MYPN: variants seen among roughly 807,000 people sequenced by gnomAD.
MYPN encodes the protein sarcomeric protein myopalladin, 145 kDa (MYOP).
In MYPN, 63 loss-of-function variants were observed where a neutral mutation model predicts 129.4. The ratio of observed to expected loss-of-function variants is 0.49; its 90% CI spans 0.40 to 0.60. The LOEUF (loss-of-function observed/expected upper bound fraction) is 0.60, where lower values mean the gene tolerates loss of function less well. Ranked by LOEUF, MYPN falls within the 20% of genes least tolerant of loss-of-function variation. The pLI is 0.00. For synonymous variants in MYPN, 629 were observed against 600.9 expected (o/e 1.05, Z -0.68); for missense variants, 1,596 against 1,635.4 (o/e 0.98, Z 0.42).
In MYPN at chr10:68,210,773, T is replaced by C; in HGVS notation, c.*318T>C. ...CTGCTCCCTGTTGTGTTAGGGATGT[T>C]TAGGTCATACTAGGAGCAATTAGGA... On this transcript the variant is annotated 3_prime_UTR_variant, in exon 20 of 20. Coordinates refer to ENST00000358913, the MANE Select transcript of MYPN (RefSeq NM_032578.4). 1 of 489,496 alleles carries C rather than the reference T, an allele frequency of 2.0e-6. No homozygotes were observed. The highest frequency in any genetic ancestry group is 1.5e-5 in the South Asian group (1 of 64,790). 30.3% of individuals were successfully genotyped at this position (489,496 alleles called of 1,614,324 possible).
chr10:68,209,721 C>T (rs1172831080), intron 19 of MYPN, among the ~76,000 whole-genome samples: 2 of 142,604 alleles, frequency 1.4e-5, no homozygotes, highest in Admixed American at 7.5e-5. Context: ...GATGGAGTCT[C>T]GCTCTGTCGC....
intron 6 of MYPN, among the ~76,000 whole-genome samples, 154 bp downstream of exon 6, chr10:68,150,265 G>T (rs914343164): frequency 1.3e-5 from 2 of 152,028 alleles, no homozygotes; most frequent in South Asian, 4.2e-4. Flanking sequence ...CTACAGTATC[G>T]CTTCAAGTCC....
intron 2 of MYPN, among the ~76,000 whole-genome samples, chr10:68,130,981 T>G (rs2042401316): frequency 1.3e-5 from 2 of 152,254 alleles, no homozygotes; most frequent in Non-Finnish European, 1.5e-5. Flanking sequence ...TTTATTTATC[T>G]CGCTATAATA....
chr10:68,103,922 C>T (rs57235366), upstream of MYPN, among the ~76,000 whole-genome samples: 483 of 152,306 alleles, frequency 3.2e-3, 4 homozygotes, highest in African/African-American at 0.011. Context: ...TGCACTCCAG[C>T]CTAAGCAACA....
chr10:68,182,467 T>C lies in MYPN; in HGVS notation c.2704-6438T>C, dbSNP rs975926841. On this transcript the variant is annotated intron_variant, in intron 12 of 19. Transcript: ENST00000358913. ...ATATATATAACATATATATATAACA[T>C]ATATACACACACACACACACACACA... Among the ~76,000 whole-genome samples the C allele has an allele frequency of 3.0e-4, 34 of 112,720 alleles. 1 individual carries two copies. Among genetic ancestry groups the C allele is most frequent in the African/African-American group, 1.2e-3 (32 of 26,718 alleles). The allele number at this position is 112,720 out of a possible 152,430, so 73.9% of individuals were successfully genotyped here.
chr10:68,194,672 A>C (rs925986928), intron 14 of MYPN, among the ~76,000 whole-genome samples, 160 bp downstream of exon 14: 2 of 152,236 alleles, frequency 1.3e-5, no homozygotes, highest in Non-Finnish European at 2.9e-5. Flanking sequence ...ATCACAACTT[A>C]AAGGACTAGT....
upstream of MYPN, among the ~76,000 whole-genome samples, chr10:68,107,348 T>G (rs1326269161): frequency 3.4e-5 from 5 of 148,516 alleles, no homozygotes; most frequent in East Asian, 7.8e-4. Flanking sequence ...TTTCTTTTTT[T>G]TTTTTTTTTT....
At chr10:68,115,998 A>G (rs1196643685) in intron 1 of MYPN, among the ~76,000 whole-genome samples, 3 of 151,994 alleles carry the variant, frequency 2.0e-5, no homozygotes, top group Admixed American at 6.6e-5. Context: ...TTCCTCCTCC[A>G]TTATTCTCAA....
chr10:68,111,878 G>A lies in MYPN; in HGVS notation c.-2+2155G>A, dbSNP rs11598978. On this transcript the variant is annotated intron_variant, in intron 1 of 19. Coordinates refer to ENST00000358913, the MANE Select transcript of MYPN (RefSeq NM_032578.4). ...AGAACTTGATCTTGAGATCCCTTGG[G>A]ACACCTACTGCTCTCTCAATCTAGC... Among the ~76,000 whole-genome samples, 266 of 152,276 alleles carry A rather than the reference G, an allele frequency of 1.7e-3. 1 individual carries two copies. Among genetic ancestry groups the A allele is most frequent in the Non-Finnish European group, 2.9e-3 (196 of 68,022 alleles).
In MYPN at chr10:68,121,849, G is replaced by T; in HGVS notation, c.411G>T (p.Arg137Ser). The T allele has an allele frequency of 6.2e-7, 1 of 1,614,122 alleles. No individual in the cohort carries two copies. Among genetic ancestry groups the T allele is most frequent in the Non-Finnish European group, 8.5e-7 (1 of 1,180,034 alleles). The change falls in exon 2 of 20, where the codon AGG becomes AGT. Residue 137 changes from arginine (R) to serine (S), a missense_variant. Transcript: ENST00000358913. ...SSKESPQEAKRPQYCSETQSK... is the reference protein window; with the variant it reads ...SSKESPQEAKSPQYCSETQSK... ...AAGAAAGCCCCCAGGAGGCAAAAAG[G>T]CCACAGTATTGTTCTGAAACCCAGT...
chr10:68,159,262 C>T (rs752046425), intron 7 of MYPN, among the ~76,000 whole-genome samples: 3 of 152,122 alleles, frequency 2.0e-5, no homozygotes, highest in Non-Finnish European at 2.9e-5. Flanking sequence ...ACTAGGTCTG[C>T]CCCAGTTGAA....
At chr10:68,105,299 G>A (rs116887772), upstream of MYPN, among the ~76,000 whole-genome samples, 1,254 of 152,228 alleles carry the variant, frequency 8.2e-3, 13 homozygotes, top group Middle Eastern at 0.017. Flanking sequence ...CTTCATAGAC[G>A]TTAAAGGAAT....
chr10:68,131,217 C>T (rs1438590230), intron 2 of MYPN, among the ~76,000 whole-genome samples: 5 of 151,956 alleles, frequency 3.3e-5, no homozygotes, highest in African/African-American at 4.8e-5. Flanking sequence ...GGTGAAACCC[C>T]GTCTCTACCA....
At chr10:68,158,755 A>C (rs1426705802) in intron 7 of MYPN, 128 bp downstream of exon 7, 3 of 688,446 alleles carry the variant, frequency 4.4e-6, no homozygotes, top group Non-Finnish European at 4.8e-6. Flanking sequence ...ACCTGTAATC[A>C]TACTCCTGTT....
chr10:68,115,141 C>T (rs1024272047), intron 1 of MYPN, among the ~76,000 whole-genome samples: 1 of 151,846 alleles, frequency 6.6e-6, no homozygotes. Context: ...CGCCTGGAAT[C>T]CCAGCTACTC....
intron 12 of MYPN, among the ~76,000 whole-genome samples, chr10:68,181,950 G>T (rs934991048): frequency 2.0e-5 from 3 of 151,954 alleles, no homozygotes; most frequent in East Asian, 1.9e-4. Context: ...AGGGGTGGAG[G>T]TAGGCATCTC....
intron 1 of MYPN, among the ~76,000 whole-genome samples, chr10:68,112,085 A>G (rs1242424211): frequency 6.6e-6 from 1 of 152,202 alleles, no homozygotes; most frequent in African/African-American, 2.4e-5. Context: ...TTCCTTTATA[A>G]CAGTTTGGTT....
intron 17 of MYPN, 22 bp from the exon 18 acceptor site, chr10:68,201,806 AG>A (rs1564699122): frequency 3.7e-6 from 6 of 1,612,466 alleles, no homozygotes; most frequent in South Asian, 1.1e-5. Context: ...AAAGAAAAAA[AG>A]AATGACCCTT....
At chr10:68,161,571 GT>G (rs2042975523) in intron 7 of MYPN, among the ~76,000 whole-genome samples, 157 bp from the exon 8 acceptor site, 1 of 151,172 alleles carries the variant, frequency 6.6e-6, no homozygotes, top group Admixed American at 6.6e-5. Context: ...TATCCATCCT[GT>G]CCCTGTTGAG....
Sources: allele counts gnomAD v4.1 joint callset (sites outside exome capture counted in the v4.1 genomes callset), GRCh38; gene constraint gnomAD v4.1.1; transcripts MANE v1.5; gene names NCBI Gene and HGNC (gene_info 2026-07-23, HGNC 2026-07-21).